The following CARM1 variants were observed in gnomAD, a reference collection of about 807,000 sequenced individuals.
CARM1 encodes histone-arginine methyltransferase CARM1.
CARM1 carries 14 observed loss-of-function variants against 72.7 expected under a neutral mutation model. That is an observed-to-expected ratio of 0.19 (90% confidence interval 0.13 to 0.30). CARM1 has a LOEUF of 0.30. Ranked by LOEUF, CARM1 falls within the 10% of genes least tolerant of loss-of-function variation. The pLI is 1.00. For missense variants in CARM1, 432 were observed against 833.7 expected (o/e 0.52, Z 5.93); for synonymous variants, 333 against 345.5 (o/e 0.96, Z 0.40).
At chr19:10,921,484 T>A (rs1568358379) in intron 15 of CARM1, 41 bp downstream of exon 15, 6 of 1,582,278 alleles carry the variant, frequency 3.8e-6, no homozygotes, top group South Asian at 2.3e-5. Flanking sequence ...GGGGCCGAGC[T>A]AGCGTGTGAG....
intron 2 of CARM1, among the ~76,000 whole-genome samples, chr19:10,906,071 TC>T (rs1197105972): frequency 6.9e-6 from 1 of 145,126 alleles, no homozygotes; most frequent in African/African-American, 2.5e-5. Flanking sequence ...TGCCTCAGCC[TC>T]CCGCGTAGCT....
chr19:10,890,867 G>A (rs551800698), intron 1 of CARM1, among the ~76,000 whole-genome samples: 3 of 146,026 alleles, frequency 2.1e-5, no homozygotes, highest in South Asian at 2.2e-4. Flanking sequence ...CTTAGGAGGC[G>A]GAGGTGGGAG....
At position 10,920,123 on chromosome 19, in the gene CARM1, GGTGTGTGTGTGTGTGTGTGTAT is replaced by G. The variant is rs1190112014; in HGVS notation, c.1196+170_1196+191del. Among the ~76,000 whole-genome samples the G allele has an allele frequency of 6.7e-6, 1 of 149,934 alleles. No individual in the cohort carries two copies. The highest frequency in any genetic ancestry group is 2.5e-5 in the African/African-American group (1 of 40,768). ...CGGAGCAAGAGACTGTTGTGGGTGG[GGTGTGTGTGTGTGTGTGTGTAT>G]GTGTGTGTGTGTCCTGTGTTCCCAG... On this transcript the variant is annotated intron_variant, in intron 10 of 15. Transcript: ENST00000327064. The surrounding 1 kb of genome is among the most constrained non-coding windows in gnomAD (Gnocchi z 5.3).
intron 1 of CARM1, among the ~76,000 whole-genome samples, chr19:10,876,697 G>A (rs1482209001): frequency 6.6e-6 from 1 of 152,262 alleles, no homozygotes; most frequent in African/African-American, 2.4e-5. Flanking sequence ...CCTGTGCAGA[G>A]GGGGAGGCCC....
At position 10,920,362 on chromosome 19, in the gene CARM1, C is replaced by T. The variant is rs1002347439; in HGVS notation, c.1197-74C>T. On this transcript the variant is annotated intron_variant, in intron 10 of 15. Coordinates refer to ENST00000327064, the MANE Select transcript of CARM1 (RefSeq NM_199141.2). The surrounding 1 kb of genome is among the most constrained non-coding windows in gnomAD (Gnocchi z 5.3). ...AGAGGGGGCAGGTGCTTGGGGAGGA[C>T]TCAAGGCATACAAGGTGGTGGCTCC... is the stretch of plus-strand genomic sequence containing the variant. 2.0e-6 allele frequency: 3 copies of T among 1,537,426 alleles called. No homozygotes were observed. The highest frequency in any genetic ancestry group is 1.8e-6 in the Non-Finnish European group (2 of 1,132,784).
intron 1 of CARM1, among the ~76,000 whole-genome samples, chr19:10,884,615 A>G (rs1315649190): frequency 1.3e-5 from 2 of 152,112 alleles, no homozygotes; most frequent in Non-Finnish European, 2.9e-5. Context: ...AATGGAGACC[A>G]GGCCTAACCC....
intron 1 of CARM1, among the ~76,000 whole-genome samples, chr19:10,881,444 C>T (rs962266523): frequency 2.0e-5 from 3 of 152,114 alleles, no homozygotes; most frequent in East Asian, 1.9e-4. Flanking sequence ...GGGCTCTCTG[C>T]GCAGGGCCAG....
intron 1 of CARM1, among the ~76,000 whole-genome samples, chr19:10,886,178 TC>T (rs1029830207): frequency 6.6e-6 from 1 of 150,918 alleles, no homozygotes; most frequent in African/African-American, 2.4e-5. Context: ...TGCCTCAGCC[TC>T]CCCAGTAGCT....
chr19:10,888,765 G>A (rs924256177), intron 1 of CARM1, among the ~76,000 whole-genome samples: 1 of 152,244 alleles, frequency 6.6e-6, no homozygotes, highest in South Asian at 2.1e-4. Flanking sequence ...CCAGGCGGTG[G>A]CAGCTGATTA....
At chr19:10,875,260 G>A (rs925966833) in intron 1 of CARM1, among the ~76,000 whole-genome samples, 10 of 152,076 alleles carry the variant, frequency 6.6e-5, no homozygotes, top group African/African-American at 1.9e-4. Context: ...TCCAGCTGTT[G>A]CTTGATTTGC....
intron 1 of CARM1, among the ~76,000 whole-genome samples, chr19:10,895,560 C>G (rs1202865049): frequency 2.6e-5 from 4 of 152,334 alleles, no homozygotes; most frequent in Non-Finnish European, 5.9e-5. Flanking sequence ...CCACCTGATG[C>G]TAAACATCTC....
chr19:10,909,907 C>A (rs1421096601), intron 4 of CARM1, among the ~76,000 whole-genome samples: 3 of 152,174 alleles, frequency 2.0e-5, no homozygotes, highest in Non-Finnish European at 4.4e-5. Flanking sequence ...TTTCCCCATA[C>A]AGACATCAGC....
chr19:10,895,350 G>C lies in CARM1; in HGVS notation c.221-9601G>C, dbSNP rs145042607. 1.8e-3 allele frequency among the ~76,000 whole-genome samples: 268 copies of C among 152,230 alleles called. 2 individuals carry two copies. Among genetic ancestry groups the C allele is most frequent in the Middle Eastern group, 6.8e-3 (2 of 294 alleles). On this transcript the variant is annotated intron_variant, in intron 1 of 15. Coordinates refer to ENST00000327064, the MANE Select transcript of CARM1 (RefSeq NM_199141.2). The stretch of plus-strand genomic sequence containing the variant: ...AAACTCCTGGCCTCAAGCGATCCAC[G>C]TGCCTTGGCCTCCCAAAGTGCTGGG...
At position 10,916,837 on chromosome 19, in the gene CARM1, C is replaced by T. The variant is rs111698028; in HGVS notation, c.1020+60C>T. 0.042 allele frequency: 54,626 copies of T among 1,288,228 alleles called. 1,418 individuals are homozygous for T. The highest frequency in any genetic ancestry group is 0.086 in the Middle Eastern group (398 of 4,612). The allele number at this position is 1,288,228 out of a possible 1,614,324, so 79.8% of individuals were successfully genotyped here. A position where few individuals can be genotyped will look rare whatever the true frequency, so the allele number is the denominator to read the frequency against. On this transcript the variant is annotated intron_variant, in intron 8 of 15. Coordinates refer to ENST00000327064, the MANE Select transcript of CARM1 (RefSeq NM_199141.2). This position sits in a 1 kb window ranked among gnomAD's most constrained non-coding sequence, Gnocchi z 4.4. The stretch of plus-strand genomic sequence containing the variant: ...CACTTGCCATTGCTGTGCAGCTGTG[C>T]AGCCCTCAGGAAGCTACAGCCCCTC...
intron 2 of CARM1, among the ~76,000 whole-genome samples, chr19:10,905,400 C>T (rs372607048): frequency 0.29 from 44,062 of 151,966 alleles, 6,429 homozygotes; most frequent in East Asian, 0.37. Context: ...ACTGGGCCAG[C>T]TGTGGATGGA....
At chr19:10,910,845 T>A (rs1421267175) in intron 4 of CARM1, among the ~76,000 whole-genome samples, 1 of 152,006 alleles carries the variant, frequency 6.6e-6, no homozygotes, top group African/African-American at 2.4e-5. Context: ...ATTACAGGCA[T>A]GAGCCACTGC....
Position 10,912,370 on chromosome 19 carries a change from T to C in CARM1, c.669+76T>C. 1 of 1,111,696 alleles carries C rather than the reference T, an allele frequency of 9.0e-7. No homozygotes were observed. Among genetic ancestry groups the C allele is most frequent in the East Asian group, 2.4e-5 (1 of 42,400 alleles). 68.9% of individuals were successfully genotyped at this position (1,111,696 alleles called of 1,614,324 possible). A position where few individuals can be genotyped will look rare whatever the true frequency, so the allele number is the denominator to read the frequency against. On this transcript the variant is annotated intron_variant, in intron 5 of 15. Transcript: ENST00000327064. This position sits in a 1 kb window ranked among gnomAD's most constrained non-coding sequence, Gnocchi z 4.5. ...ATGCCGGCCCCAGCCTAGAGAAGCT[T>C]GGGAACCCCCAGGGGCCTGGGGACA...
chr19:10,919,697 T>G lies in CARM1; in HGVS notation c.1106+17T>G, dbSNP rs2074224622. 1 of 1,602,352 alleles carries G rather than the reference T, an allele frequency of 6.2e-7. No individual in the cohort carries two copies. Among genetic ancestry groups the G allele is most frequent in the Non-Finnish European group, 8.5e-7 (1 of 1,169,652 alleles). On this transcript the variant is annotated intron_variant, in intron 9 of 15. Coordinates refer to ENST00000327064, the MANE Select transcript of CARM1 (RefSeq NM_199141.2). ...TTTGCACAGGTACTGGCACCCACACTCCATCCTCCCAGGCCTGGCTCAGGC... is the reference window on the plus strand; with the variant it reads ...TTTGCACAGGTACTGGCACCCACACGCCATCCTCCCAGGCCTGGCTCAGGC...
In CARM1 at chr19:10,874,833, C is replaced by T. The variant is rs558612320; in HGVS notation, c.220+2911C>T. On this transcript the variant is annotated intron_variant, in intron 1 of 15. Coordinates refer to ENST00000327064, the MANE Select transcript of CARM1 (RefSeq NM_199141.2). ...GGTCAGGAGGTTGAGACCAGCTTGG[C>T]CAACATGGCAAAATCTCGTCTCTGC... is the stretch of plus-strand genomic sequence containing the variant. 2.0e-5 allele frequency among the ~76,000 whole-genome samples: 3 copies of T among 152,226 alleles called. No individual in the cohort carries two copies. In the South Asian group the frequency reaches 6.2e-4, roughly 32 times the overall value.
Sources: gnomAD v4.1 joint callset for allele counts (sites outside exome capture counted in the v4.1 genomes callset) on GRCh38, gnomAD v4.1.1 for gene constraint, Gnocchi (gnomAD v3.1) non-coding constraint, MANE v1.5 for transcripts, NCBI Gene and HGNC (gene_info 2026-07-23, HGNC 2026-07-21) for gene names.